Variants in ANKRD54 observed in about 807,000 individuals in gnomAD.
The protein encoded by ANKRD54 is ankyrin repeat domain 54.
A neutral mutation model predicts 36.2 loss-of-function variants in ANKRD54; 26 were observed. The ratio of observed to expected loss-of-function variants is 0.72; its 90% CI spans 0.53 to 1.00. The LOEUF is 1.00. Among genes scored for constraint, ANKRD54 ranks in the 50% least tolerant of loss-of-function variants. ANKRD54 has a pLI of 0.00. For synonymous variants in ANKRD54, 209 were observed against 188.4 expected (o/e 1.11, Z -0.89); for missense variants, 384 against 424.3 (o/e 0.91, Z 0.83).
chr22:37,837,703 T>C (rs916386892), intron 3 of ANKRD54, among the ~76,000 whole-genome samples: 11 of 152,328 alleles, frequency 7.2e-5, no homozygotes, highest in African/African-American at 2.4e-4. Flanking sequence ...AGTAAAAGTA[T>C]GCAAGGCTGG....
chr22:37,846,782 ATTG>A (rs1213662293), upstream of ANKRD54, among the ~76,000 whole-genome samples: 1 of 152,148 alleles, frequency 6.6e-6, no homozygotes. Flanking sequence ...CATTTTGAGA[ATTG>A]TTGTCAAATT....
chr22:37,833,647 G>T, intron 4 of ANKRD54, 37 bp downstream of exon 4: 1 of 1,609,542 alleles, frequency 6.2e-7, no homozygotes, highest in Non-Finnish European at 8.5e-7. Flanking sequence ...TTTCTTTGCT[G>T]CAAATGAGTT....
At chr22:37,832,573 G>T in intron 7 of ANKRD54, 64 bp downstream of exon 7, 1 of 1,469,252 alleles carries the variant, frequency 6.8e-7, no homozygotes, top group Non-Finnish European at 9.5e-7. Flanking sequence ...TGGCATCGGA[G>T]CAGGGTGGAC....
upstream of ANKRD54, among the ~76,000 whole-genome samples, chr22:37,845,021 CAAAAAA>C (rs10600027): frequency 3.4e-5 from 4 of 119,088 alleles, no homozygotes; most frequent in Admixed American, 8.9e-5. Context: ...TCAATGAACG[CAAAAAA>C]AAAAAAAAAA....
intron 4 of ANKRD54, 83 bp from the exon 5 acceptor site, chr22:37,833,289 T>C: frequency 5.8e-6 from 9 of 1,544,814 alleles, no homozygotes; most frequent in Non-Finnish European, 8.0e-6. Context: ...CAGGGCTGTG[T>C]CTCCCAGACG....
rs139819133 is a variant in ANKRD54 at position 37,843,221 on chromosome 22, G to A, written c.328+690C>T. On this transcript the variant is annotated intron_variant, in intron 1 of 7. Transcript: ENST00000215941. Reference sequence around the variant, plus strand: ...GTGGATCACCTGAGATCAGAAGTTCGAGACCAGCCTGGCAAACATGGTGAA... The same window carrying A: ...GTGGATCACCTGAGATCAGAAGTTCAAGACCAGCCTGGCAAACATGGTGAA... 7.1e-3 allele frequency among the ~76,000 whole-genome samples: 1,076 copies of A among 152,234 alleles called. 12 individuals are homozygous for A. Among genetic ancestry groups the A allele is most frequent in the African/African-American group, 0.025 (1,049 of 41,536 alleles).
upstream of ANKRD54, among the ~76,000 whole-genome samples, chr22:37,844,708 T>C (rs1179899926): frequency 2.0e-5 from 3 of 152,166 alleles, no homozygotes; most frequent in African/African-American, 7.2e-5. Flanking sequence ...TAGCTGGGAC[T>C]ACAGGCGCGC....
At chr22:37,835,640 T>C (rs1923425063) in intron 3 of ANKRD54, among the ~76,000 whole-genome samples, 1 of 152,042 alleles carries the variant, frequency 6.6e-6, no homozygotes, top group African/African-American at 2.4e-5. Flanking sequence ...ACCACGTCTC[T>C]ACAAGATGTT....
chr22:37,833,240 G>GA (rs1459762937), intron 4 of ANKRD54, 34 bp from the exon 5 acceptor site: 1 of 1,610,632 alleles, frequency 6.2e-7, no homozygotes, highest in African/African-American at 1.3e-5. Context: ...AAGAATCCAG[G>GA]ACCACCAGAG....
In ANKRD54 at chr22:37,844,230, G is replaced by T. The variant is rs745828619; in HGVS notation, c.9C>A (p.Ala3=). Residue 3 remains alanine (A), a synonymous_variant, in exon 1 of 8, where the codon GCC becomes GCA. Transcript: ENST00000215941. MA[A]AAGDADDEPR... ...GCTCGTCGTCCGCGTCCCCGGCGGC[G>T]GCTGCCATGGCAACGGCTCCGCGCG... 1.9e-6 allele frequency: 3 copies of T among 1,541,744 alleles called. No individual in the cohort carries two copies. Among genetic ancestry groups the T allele is most frequent in the Non-Finnish European group, 2.6e-6 (3 of 1,154,334 alleles).
Position 37,843,887 on chromosome 22 carries a change from CCCCGCGCCG to C in ANKRD54, c.328+15_328+23del, listed in dbSNP as rs1213425422. ...TCGCCCGGGCTGCCCCGCCCCGGGCCCCCGCGCCGCTCGCGCCGCTCACCGTGCACCTCC... is the reference window on the plus strand; with the variant it reads ...TCGCCCGGGCTGCCCCGCCCCGGGCCCTCGCGCCGCTCACCGTGCACCTCC... On this transcript the variant is annotated intron_variant, in intron 1 of 7. Coordinates refer to ENST00000215941, the MANE Select transcript of ANKRD54 (RefSeq NM_138797.4). 1.7e-6 allele frequency: 2 copies of C among 1,210,618 alleles called. No homozygotes were observed. The highest frequency in any genetic ancestry group is 7.0e-5 in the East Asian group (2 of 28,508). 75.0% of individuals were successfully genotyped at this position (1,210,618 alleles called of 1,614,324 possible).
chr22:37,832,185 G>C (rs1922967260), intron 7 of ANKRD54, among the ~76,000 whole-genome samples, 168 bp from the exon 8 acceptor site: 1 of 152,138 alleles, frequency 6.6e-6, no homozygotes, highest in East Asian at 1.9e-4. Context: ...TTGACACCAG[G>C]TGGCCTAGCG....
chr22:37,844,087 G>GCGC lies in ANKRD54; in HGVS notation c.149_151dup (p.Gly50dup), dbSNP rs925078852. The GCGC allele has an allele frequency of 4.4e-5, 64 of 1,448,708 alleles. No homozygotes were observed. The African/African-American group carries it at 7.0e-4, about 16-fold the overall frequency. The allele number at this position is 1,448,708 out of a possible 1,614,324, so 89.7% of individuals were successfully genotyped here. A position where few individuals can be genotyped will look rare whatever the true frequency, so the allele number is the denominator to read the frequency against. ...GCCGGACGCCCGGCCCGAGAGGCCC[G>GCGC]CGCCGCCGCCGCCCAGCGCAGACCC... On this transcript the variant is annotated inframe_insertion, in exon 1 of 8. Coordinates refer to ENST00000215941, the MANE Select transcript of ANKRD54 (RefSeq NM_138797.4).
chr22:37,846,237 G>C (rs1423474160), upstream of ANKRD54, among the ~76,000 whole-genome samples: 2 of 152,144 alleles, frequency 1.3e-5, no homozygotes, highest in Non-Finnish European at 2.9e-5. Context: ...AATTTTCAGT[G>C]TTTGCAGTCG....
At chr22:37,843,636 A>G (rs1033747957) in intron 1 of ANKRD54, 2 of 243,386 alleles carry the variant, frequency 8.2e-6, no homozygotes, top group African/African-American at 4.5e-5. Context: ...TTATTCACCA[A>G]TAAGCGTTCC....
chr22:37,833,332 C>T (rs1041537574), intron 4 of ANKRD54, 126 bp from the exon 5 acceptor site: 19 of 1,179,648 alleles, frequency 1.6e-5, no homozygotes, highest in South Asian at 8.0e-5. Flanking sequence ...GAGAAGGTAT[C>T]GCCAAGGCAC....
rs1457309262 is a variant in ANKRD54, at chr22:37,832,996, C to A, written c.682G>T (p.Ala228Ser). The A allele has an allele frequency of 1.2e-6, 2 of 1,614,102 alleles. No homozygotes were observed. The highest frequency in any genetic ancestry group is 3.3e-5 in the Admixed American group (2 of 60,028). Residue 228 changes from alanine to serine, a missense_variant, in exon 6 of 8, where the codon GCC (alanine) becomes TCC (serine). By Grantham distance (99) the Ala-to-Ser change is moderately conservative. Transcript: ENST00000215941. ...AGACGCACAGCCTCTAGGCACTGGGCATGGCCCTCCTGCAGGATATTCAGC... is the reference window on the plus strand; with the variant it reads ...AGACGCACAGCCTCTAGGCACTGGGAATGGCCCTCCTGCAGGATATTCAGC... ...SKLNILQEGHAQCLEAVRLEV... is the reference protein window; with the variant it reads ...SKLNILQEGHSQCLEAVRLEV...
intron 1 of ANKRD54, among the ~76,000 whole-genome samples, chr22:37,840,803 C>G (rs1924139211): frequency 1.3e-5 from 2 of 151,778 alleles, no homozygotes; most frequent in Admixed American, 6.6e-5. Flanking sequence ...AGGAGAATCA[C>G]TTGAACCCAG....
intron 4 of ANKRD54, 86 bp from the exon 5 acceptor site, chr22:37,833,292 C>A: frequency 6.5e-7 from 1 of 1,534,994 alleles, no homozygotes; most frequent in East Asian, 2.3e-5. Context: ...GGCTGTGTCT[C>A]CCAGACGCCT....
Sources: allele counts gnomAD v4.1 joint callset (sites outside exome capture counted in the v4.1 genomes callset), GRCh38; gene constraint gnomAD v4.1.1; transcripts MANE v1.5; gene names NCBI Gene and HGNC (gene_info 2026-07-23, HGNC 2026-07-21).